Variants in BRD3 observed in about 807,000 individuals in gnomAD.
BRD3 encodes bromodomain-containing protein 3.
Under a neutral mutation model 66.8 loss-of-function variants are expected in BRD3, and 17 were observed. The ratio of observed to expected loss-of-function variants is 0.25; its 90% CI spans 0.17 to 0.38. The LOEUF (loss-of-function observed/expected upper bound fraction) is 0.38. BRD3 is among the 10% of genes least tolerant of loss of function. The pLI is 1.00. For synonymous variants in BRD3, 421 were observed against 393.2 expected, an observed-to-expected ratio of 1.07 and a Z score of -0.84; for missense variants, 713 against 956.1, an observed-to-expected ratio of 0.75 and a Z score of 3.35.
At chr9:134,042,672 T>C (rs1360238708) in intron 7 of BRD3, among the ~76,000 whole-genome samples, 99 of 137,304 alleles carry the variant, frequency 7.2e-4, no homozygotes, top group East Asian at 3.3e-3. Flanking sequence ...CACACACACA[T>C]ATATATACAC....
chr9:134,036,119 C>A lies in BRD3; in HGVS notation c.1849G>T (p.Asp617Tyr). 1 of 1,614,238 alleles carries A rather than the reference C, an allele frequency of 6.2e-7. No homozygotes were observed. The highest frequency in any genetic ancestry group is 8.5e-7 in the Non-Finnish European group (1 of 1,180,044). ...GTGGTGGGTTTCAGAGTCTCAAAGT[C>A]AATTTCTATCTCGTCGGGGTTGGAG... ...RDSNPDEIEIDFETLKPTTLR... is the reference protein window; with the variant it reads ...RDSNPDEIEIYFETLKPTTLR... The change falls in exon 10 of 12, where the codon GAC (aspartate) becomes TAC (tyrosine). Residue 617 changes from aspartate (D) to tyrosine (Y), a missense_variant. Around this residue, in one of 5 missense-constraint regions of BRD3, gnomAD observed 418 missense variants for 609.3 expected, o/e 0.69. Coordinates refer to ENST00000303407, the MANE Select transcript of BRD3 (RefSeq NM_007371.4).
chr9:134,051,578 C>G lies in BRD3; in HGVS notation c.483G>C (p.Ala161=). 1 of 1,556,400 alleles carries G rather than the reference C, an allele frequency of 6.4e-7. No individual in the cohort carries two copies. The highest frequency in any genetic ancestry group is 1.4e-5 in the African/African-American group (1 of 70,616). Residue 161 remains alanine (A), a synonymous_variant, in exon 4 of 12, where the codon GCG becomes GCC. Coordinates refer to ENST00000303407, the MANE Select transcript of BRD3 (RefSeq NM_007371.4). ...APKGKGRKPA[A]GAQSAGTQQV... is the part of the protein sequence containing the mutation. ...TCCCTTTACCTGCGCTCTGGGCTCC[C>G]GCAGCCGGCTTCCGACCTTTGCCCT... is the stretch of plus-strand genomic sequence containing the variant.
chr9:134,043,487 C>T (rs1306807105), intron 7 of BRD3, among the ~76,000 whole-genome samples: 1 of 152,176 alleles, frequency 6.6e-6, no homozygotes, highest in Non-Finnish European at 1.5e-5. Context: ...TCAGGCTGGA[C>T]CCAGCTCTGG....
intron 7 of BRD3, among the ~76,000 whole-genome samples, chr9:134,042,782 T>TAC (rs1279515078): frequency 2.6e-5 from 2 of 76,956 alleles, no homozygotes; most frequent in African/African-American, 9.5e-5. Flanking sequence ...CACATATATA[T>TAC]ACACAAATAT....
chr9:134,045,500 C>G lies in BRD3; in HGVS notation c.1087-79G>C, dbSNP rs905888488. The G allele has an allele frequency of 3.8e-6, 6 of 1,588,530 alleles. No homozygotes were observed. In the South Asian group the frequency reaches 5.6e-5, roughly 15 times the overall value. ...TCTGCCACACCCCACGAGATGAACT[C>G]TGGAGCCTCAGGAGCCACTGCCAGC... On this transcript the variant is annotated intron_variant, in intron 6 of 11. Coordinates refer to ENST00000303407, the MANE Select transcript of BRD3 (RefSeq NM_007371.4). The surrounding 1 kb of genome is among the most constrained non-coding windows in gnomAD (Gnocchi z 4.8).
intron 1 of BRD3, among the ~76,000 whole-genome samples, chr9:134,064,106 C>G (rs559724626): frequency 2.6e-5 from 4 of 152,228 alleles, no homozygotes; most frequent in Non-Finnish European, 4.4e-5. Flanking sequence ...AGCACGGACA[C>G]AACAGGGTCC....
chr9:134,030,420 G>T lies in BRD3; in HGVS notation c.*3170C>A. The stretch of plus-strand genomic sequence containing the variant: ...TACTTTCTACCATTTTTATTCTGTT[G>T]TGTTGAGGCCAGCATTGCAATAAAC... On this transcript the variant is annotated 3_prime_UTR_variant, in exon 12 of 12. Transcript: ENST00000303407. The T allele has an allele frequency of 6.1e-6, 1 of 164,786 alleles. No individual in the cohort carries two copies. The highest frequency in any genetic ancestry group is 1.2e-5 in the Non-Finnish European group (1 of 81,944). 10.2% of individuals were successfully genotyped at this position (164,786 alleles called of 1,614,324 possible).
At chr9:134,039,941 C>T in intron 9 of BRD3, 93 bp downstream of exon 9, 1 of 1,489,982 alleles carries the variant, frequency 6.7e-7, no homozygotes, top group Non-Finnish European at 8.9e-7. Flanking sequence ...GTGGCCAAGG[C>T]ACAAAGCCCC....
intron 1 of BRD3, among the ~76,000 whole-genome samples, chr9:134,062,748 G>C (rs1830571558): frequency 6.6e-6 from 1 of 152,204 alleles, no homozygotes; most frequent in Non-Finnish European, 1.5e-5. Context: ...ACAGACACTG[G>C]TCAGGCCCTC....
chr9:134,047,615 G>A (rs533527521), intron 6 of BRD3, among the ~76,000 whole-genome samples: 4 of 152,294 alleles, frequency 2.6e-5, no homozygotes, highest in African/African-American at 4.8e-5. Context: ...TCCCGCTTCC[G>A]TCTTGTGAGG....
chr9:134,062,057 G>A (rs944830850), intron 1 of BRD3, among the ~76,000 whole-genome samples: 1 of 152,204 alleles, frequency 6.6e-6, no homozygotes, highest in Non-Finnish European at 1.5e-5. Context: ...GTGACAGACG[G>A]AGCCAACTGC....
At position 134,045,359 on chromosome 9, in the gene BRD3, C is replaced by T. The variant is rs1830145204; in HGVS notation, c.1149G>A (p.Met383Ile). ...GATTGTATTTGTAGCAATTCGAGAA[C>T]ATCAGCCGGACATCAGCAGCAAAGC... ...AQGFAADVRL[M>I]FSNCYKYNPP... The change falls in exon 7 of 12, where the codon ATG becomes ATA. Residue 383 changes from methionine to isoleucine, a missense_variant. Met to Ile is a conservative substitution (Grantham distance 10). Around this residue, in one of 5 missense-constraint regions of BRD3, gnomAD observed 418 missense variants for 609.3 expected, o/e 0.69. Coordinates refer to ENST00000303407, the MANE Select transcript of BRD3 (RefSeq NM_007371.4). This position sits in a 1 kb window ranked among gnomAD's most constrained non-coding sequence, Gnocchi z 4.8. 1.2e-6 allele frequency: 2 copies of T among 1,613,760 alleles called. No individual in the cohort carries two copies. Among genetic ancestry groups the T allele is most frequent in the East Asian group, 2.2e-5 (1 of 44,888 alleles).
intron 10 of BRD3, 71 bp downstream of exon 10, chr9:134,035,961 G>A (rs976148708): frequency 1.1e-5 from 17 of 1,535,246 alleles, no homozygotes; most frequent in Non-Finnish European, 1.4e-5. Context: ...GGGTCCGTGA[G>A]GAGTGACAGG....
intron 6 of BRD3, among the ~76,000 whole-genome samples, chr9:134,046,150 C>T (rs461462): frequency 0.33 from 49,463 of 152,090 alleles, 8,513 homozygotes; most frequent in East Asian, 0.63. Flanking sequence ...CAGTGCCAGG[C>T]GGCAGGGGTA....
chr9:134,038,345 A>G (rs1829972586), intron 9 of BRD3, among the ~76,000 whole-genome samples: 1 of 152,212 alleles, frequency 6.6e-6, no homozygotes, highest in Non-Finnish European at 1.5e-5. Flanking sequence ...TAGTAGAGAC[A>G]GGGTTTCACC....
chr9:134,036,214 T>C lies in BRD3; in HGVS notation c.1754A>G (p.Asn585Ser). Residue 585 changes from asparagine (N) to serine (S), a missense_variant, in exon 10 of 12, where the codon AAC (asparagine) becomes AGC (serine). Physicochemically the swap from Asn to Ser is conservative, Grantham distance 46. Around this residue, in one of 5 missense-constraint regions of BRD3, gnomAD observed 418 missense variants for 609.3 expected, o/e 0.69. Coordinates refer to ENST00000303407, the MANE Select transcript of BRD3 (RefSeq NM_007371.4). ...DEKRQLSLDINRLPGEKLGRV... is the reference protein window; with the variant it reads ...DEKRQLSLDISRLPGEKLGRV... Reference sequence around the variant, plus strand: ...GCCCAGCTTCTCCCCGGGCAGCCGGTTGATGTCCAGGCTAAGCTGGCGCTT... The same window carrying C: ...GCCCAGCTTCTCCCCGGGCAGCCGGCTGATGTCCAGGCTAAGCTGGCGCTT... 1 of 1,614,188 alleles carries C rather than the reference T, an allele frequency of 6.2e-7. No individual in the cohort carries two copies. Among genetic ancestry groups the C allele is most frequent in the Non-Finnish European group, 8.5e-7 (1 of 1,180,026 alleles).
chr9:134,044,138 G>A (rs1830117502), intron 7 of BRD3, among the ~76,000 whole-genome samples: 1 of 152,360 alleles, frequency 6.6e-6, no homozygotes, highest in South Asian at 2.1e-4. Flanking sequence ...GACACAGTAA[G>A]CGAGGTCTCA....
intron 5 of BRD3, among the ~76,000 whole-genome samples, chr9:134,049,198 G>A (rs1020120103): frequency 6.6e-6 from 1 of 152,154 alleles, no homozygotes; most frequent in Non-Finnish European, 1.5e-5. Context: ...TAACGTCCAG[G>A]CCTCCTGGGG....
chr9:134,040,467 C>T (rs1407394590), intron 8 of BRD3, among the ~76,000 whole-genome samples, 198 bp from the exon 9 acceptor site: 3 of 152,168 alleles, frequency 2.0e-5, no homozygotes, highest in Admixed American at 6.5e-5. Flanking sequence ...CTCTCCGCCT[C>T]GGCTTCTTCG....
Sources: gnomAD v4.1 joint callset for allele counts (sites outside exome capture counted in the v4.1 genomes callset) on GRCh38, gnomAD v4.1.1 for gene constraint, gnomAD v4.1.1 regional missense constraint, Gnocchi (gnomAD v3.1) non-coding constraint, MANE v1.5 for transcripts, NCBI Gene and HGNC (gene_info 2026-07-23, HGNC 2026-07-21) for gene names.